The following MOB3A variants were observed in gnomAD, a reference collection of about 807,000 sequenced individuals.
MOB3A encodes MOB LAK.
Under a neutral mutation model 17.8 loss-of-function variants are expected in MOB3A, and 17 were observed. That is an observed-to-expected ratio of 0.95 (90% CI 0.65 to 1.43). The LOEUF (loss-of-function observed/expected upper bound fraction) is 1.43. MOB3A is among the 40% of genes most tolerant of loss of function. The probability of loss-of-function intolerance (pLI) is 0.00; values close to 1 mark genes in which losing one functional copy is unlikely to be tolerated. For missense variants in MOB3A, 333 were observed against 310.8 expected (o/e 1.07, Z -0.54); for synonymous variants, 124 against 133.2 (o/e 0.93, Z 0.48).
chr19:2,076,790 C>T (rs767985564), intron 4 of MOB3A, 21 bp downstream of exon 4: 105 of 1,611,630 alleles, frequency 6.5e-5, no homozygotes, highest in Non-Finnish European at 8.2e-5. Context: ...ACCGCACGCC[C>T]TCAGCCCCAA....
At chr19:2,080,220 G>T (rs902126459) in intron 2 of MOB3A, among the ~76,000 whole-genome samples, 1 of 152,144 alleles carries the variant, frequency 6.6e-6, no homozygotes, top group Admixed American at 6.5e-5. Context: ...TGCTGGGCAG[G>T]GCGGGGGTCC....
rs111865283 is a variant in MOB3A at position 2,088,892 on chromosome 19, G to T, written c.-273-3564C>A. On this transcript the variant is annotated intron_variant, in intron 1 of 4. Coordinates refer to ENST00000357066, the MANE Select transcript of MOB3A (RefSeq NM_130807.3). Reference sequence around the variant, plus strand: ...TGCTGGGATTATAGACATGAGCCACGGAGCCTGGCTCTGTCTCCCTCTTTA... The same window carrying T: ...TGCTGGGATTATAGACATGAGCCACTGAGCCTGGCTCTGTCTCCCTCTTTA... 9.2e-4 allele frequency among the ~76,000 whole-genome samples: 140 copies of T among 152,236 alleles called. 1 individual carries two copies. Among genetic ancestry groups the T allele is most frequent in the African/African-American group, 3.2e-3 (132 of 41,542 alleles).
chr19:2,082,286 G>C lies in MOB3A; in HGVS notation c.-120+2889C>G, dbSNP rs1673904309. ...GACATCGGGGTTGGATCGTTCTCTGGGGTGGGGCCGTCAGGGGCACTGCAA... is the reference window on the plus strand; with the variant it reads ...GACATCGGGGTTGGATCGTTCTCTGCGGTGGGGCCGTCAGGGGCACTGCAA... On this transcript the variant is annotated intron_variant, in intron 2 of 4. Coordinates refer to ENST00000357066, the MANE Select transcript of MOB3A (RefSeq NM_130807.3). The surrounding 1 kb of genome is among the most constrained non-coding windows in gnomAD (Gnocchi z 4.1). 6.6e-6 allele frequency among the ~76,000 whole-genome samples: 1 copy of C among 152,218 alleles called. No homozygotes were observed. The highest frequency in any genetic ancestry group is 2.1e-4 in the South Asian group (1 of 4,838).
rs564166715 is a variant in MOB3A, at chr19:2,081,326, G to A, written c.-119-2647C>T. ...TTAGAGGCCGGGCGTGGTGGCTCACGCCTGTAATCCCGGCACTTTGGGAGG... is the reference window on the plus strand; with the variant it reads ...TTAGAGGCCGGGCGTGGTGGCTCACACCTGTAATCCCGGCACTTTGGGAGG... On this transcript the variant is annotated intron_variant, in intron 2 of 4. Coordinates refer to ENST00000357066, the MANE Select transcript of MOB3A (RefSeq NM_130807.3). Among the ~76,000 whole-genome samples, 312 of 152,312 alleles carry A rather than the reference G, an allele frequency of 2.0e-3. 2 individuals are homozygous for A. Among genetic ancestry groups the A allele is most frequent in the African/African-American group, 7.0e-3 (290 of 41,562 alleles).
At chr19:2,086,630 T>A (rs375179137) in intron 1 of MOB3A, among the ~76,000 whole-genome samples, 15 of 152,226 alleles carry the variant, frequency 9.9e-5, no homozygotes, top group African/African-American at 3.6e-4. Context: ...AGTGCTGGGA[T>A]TACAGGCGTG....
At chr19:2,092,082 G>GT (rs1219970948) in intron 1 of MOB3A, among the ~76,000 whole-genome samples, 4,959 of 118,884 alleles carry the variant, frequency 0.042, 304 homozygotes, top group African/African-American at 0.11. Flanking sequence ...GGAAGGAAAG[G>GT]TTTTTTTTTT....
intron 1 of MOB3A, among the ~76,000 whole-genome samples, chr19:2,092,515 G>A (rs527337270): frequency 1.9e-4 from 29 of 152,226 alleles, no homozygotes; most frequent in Middle Eastern, 3.4e-3. Flanking sequence ...GGTGGCTTAC[G>A]CCTGTAATCC....
At chr19:2,075,966 TAC>T (rs1263905988) in intron 4 of MOB3A, among the ~76,000 whole-genome samples, 1 of 151,550 alleles carries the variant, frequency 6.6e-6, no homozygotes, top group Non-Finnish European at 1.5e-5. Flanking sequence ...CTACTAAAAA[TAC>T]AAAAATTAGC....
chr19:2,092,364 G>A (rs2017624029), intron 1 of MOB3A, among the ~76,000 whole-genome samples: 1 of 152,122 alleles, frequency 6.6e-6, no homozygotes, highest in African/African-American at 2.4e-5. Flanking sequence ...GCCTCCCAGA[G>A]TGCTGGGATC....
chr19:2,080,320 C>T (rs1568253341), intron 2 of MOB3A, among the ~76,000 whole-genome samples: 1 of 152,050 alleles, frequency 6.6e-6, no homozygotes, highest in Non-Finnish European at 1.5e-5. Flanking sequence ...TCCTGGGCTC[C>T]ACGCAACGCT....
intron 4 of MOB3A, among the ~76,000 whole-genome samples, chr19:2,075,032 C>CTTTTT (rs903527212): frequency 7.5e-6 from 1 of 133,240 alleles, no homozygotes; most frequent in Admixed American, 7.5e-5. Flanking sequence ...CTTTTCTTTT[C>CTTTTT]TTTTTTTTTT....
intron 4 of MOB3A, among the ~76,000 whole-genome samples, chr19:2,074,488 T>G (rs191491293): frequency 3.7e-4 from 56 of 152,110 alleles, no homozygotes; most frequent in Non-Finnish European, 6.3e-4. Flanking sequence ...TTTAGCAAAA[T>G]GTTTACCAGT....
rs200815914 is a variant in MOB3A, at chr19:2,078,478, C to T, written c.83G>A (p.Arg28His). The T allele has an allele frequency of 3.6e-5, 58 of 1,610,408 alleles. No individual in the cohort carries two copies. Among genetic ancestry groups the T allele is most frequent in the East Asian group, 3.4e-4 (15 of 44,734 alleles). ...CTGCGCCTTCTTGTGCAGCTCGAAG[C>T]GCTGGGTGCCTGGCTCAAACTTGCG... ...PKRKFEPGTQ[R>H]FELHKKAQAS... The change falls in exon 3 of 5, where the codon CGC becomes CAC. Residue 28 changes from arginine to histidine, a missense_variant. By Grantham distance (29) the Arg-to-His change is conservative. Transcript: ENST00000357066.
intron 2 of MOB3A, among the ~76,000 whole-genome samples, chr19:2,079,244 T>C (rs1024407880): frequency 5.3e-5 from 8 of 152,238 alleles, no homozygotes; most frequent in Non-Finnish European, 8.8e-5. Flanking sequence ...GGCCCGGACC[T>C]AGACTTGCTG....
chr19:2,078,851 C>A, intron 2 of MOB3A, 172 bp from the exon 3 acceptor site: 1 of 334,182 alleles, frequency 3.0e-6, no homozygotes, highest in Non-Finnish European at 5.5e-6. Context: ...CTCTGCCTCC[C>A]AGGCCCAAGC....
Position 2,076,988 on chromosome 19 carries a change from CAGG to C in MOB3A, c.444_446del (p.Phe148del). On this transcript the variant is annotated inframe_deletion, in exon 4 of 5. Coordinates refer to ENST00000357066, the MANE Select transcript of MOB3A (RefSeq NM_130807.3). ...GCGACAGGATCTTCCGCACCGTCTG[CAGG>C]AAGTTCTTGGGAAACGGAGTGCCTG... The C allele has an allele frequency of 6.2e-7, 1 of 1,613,638 alleles. No homozygotes were observed. The highest frequency in any genetic ancestry group is 8.5e-7 in the Non-Finnish European group (1 of 1,179,942).
chr19:2,080,225 G>A (rs893282375), intron 2 of MOB3A, among the ~76,000 whole-genome samples: 3 of 152,224 alleles, frequency 2.0e-5, no homozygotes, highest in East Asian at 3.9e-4. Context: ...GGCAGGGCGG[G>A]GGTCCTCACC....
intron 3 of MOB3A, among the ~76,000 whole-genome samples, chr19:2,077,626 C>T (rs1012428868): frequency 2.6e-5 from 4 of 151,952 alleles, no homozygotes; most frequent in Non-Finnish European, 5.9e-5. Flanking sequence ...GGGCCCAGCA[C>T]TGGCAGGGGT....
chr19:2,073,228 C>T lies in MOB3A; in HGVS notation c.*167G>A, dbSNP rs111744616. On this transcript the variant is annotated 3_prime_UTR_variant, in exon 5 of 5. Coordinates refer to ENST00000357066, the MANE Select transcript of MOB3A (RefSeq NM_130807.3). Reference sequence around the variant, plus strand: ...GCTCGAGACTGAGGAAGGCATCTGCCGTCCGGGGTTGGAGCTCCTGAGGAC... The same window carrying T: ...GCTCGAGACTGAGGAAGGCATCTGCTGTCCGGGGTTGGAGCTCCTGAGGAC... 5.4e-6 allele frequency: 4 copies of T among 742,496 alleles called. No homozygotes were observed. Among genetic ancestry groups the T allele is most frequent in the East Asian group, 2.5e-5 (1 of 40,450 alleles). 46.0% of individuals were successfully genotyped at this position (742,496 alleles called of 1,614,324 possible).
Sources: allele counts gnomAD v4.1 joint callset (sites outside exome capture counted in the v4.1 genomes callset), GRCh38; gene constraint gnomAD v4.1.1; non-coding constraint Gnocchi (gnomAD v3.1); transcripts MANE v1.5; gene names NCBI Gene and HGNC (gene_info 2026-07-23, HGNC 2026-07-21).